PALLD: variants seen among roughly 807,000 people sequenced by gnomAD.
PALLD encodes the protein palladin, cytoskeletal associated protein.
PALLD carries 61 observed loss-of-function variants against 123.5 expected under a neutral mutation model. The observed-to-expected ratio is 0.49, with a 90% CI of 0.40 to 0.61. The LOEUF is 0.61. PALLD is among the 20% of genes least tolerant of loss of function. The pLI, the probability that PALLD is intolerant of heterozygous loss-of-function variation, is 0.00. For missense variants in PALLD, 1,273 were observed against 1,377.0 expected (o/e 0.92, Z 1.20); for synonymous variants, 465 against 496.4 (o/e 0.94, Z 0.84).
intron 10 of PALLD, among the ~76,000 whole-genome samples, chr4:168,734,452 GA>G (rs1787526732): frequency 6.6e-6 from 1 of 152,152 alleles, no homozygotes; most frequent in Non-Finnish European, 1.5e-5. Flanking sequence ...GATTTGAGAG[GA>G]GGGGATGTGG....
chr4:168,753,689 G>A (rs892512216), intron 10 of PALLD, among the ~76,000 whole-genome samples: 20 of 152,114 alleles, frequency 1.3e-4, no homozygotes, highest in African/African-American at 2.9e-4. Context: ...CACTCATCAC[G>A]TGTAGAGGCC....
Position 168,926,749 on chromosome 4 carries a change from AGT to A in PALLD, c.*573_*574del. The A allele has an allele frequency of 1.6e-5, 4 of 256,948 alleles. No individual in the cohort carries two copies. The highest frequency in any genetic ancestry group is 3.0e-5 in the Non-Finnish European group (4 of 132,670). The allele number at this position is 256,948 out of a possible 1,614,324, so 15.9% of individuals were successfully genotyped here. On this transcript the variant is annotated 3_prime_UTR_variant, in exon 22 of 22. Transcript: ENST00000505667. ...AGATATAGGTGCTGTGTAGCCTGAT[AGT>A]GTGAAATGTTTAATGAGGGAGTTGT... is the stretch of plus-strand genomic sequence containing the variant.
At position 168,903,905 on chromosome 4, in the gene PALLD, A is replaced by G. The variant is rs761530979; in HGVS notation, c.2621A>G (p.Gln874Arg). The change falls in exon 15 of 22, where the codon CAG (glutamine) becomes CGG (arginine). Residue 874 changes from glutamine to arginine, a missense_variant and splice_region_variant. Transcript: ENST00000505667. ...GNYTIMAANP[Q>R]GRISCTGRLM... ...TATACAATTATGGCTGCAAACCCTCAGGTAAAGAAGGGTATAGGTCTGGGC... is the reference window on the plus strand; with the variant it reads ...TATACAATTATGGCTGCAAACCCTCGGGTAAAGAAGGGTATAGGTCTGGGC... 1.7e-5 allele frequency: 28 copies of G among 1,613,620 alleles called. No homozygotes were observed. The highest frequency in any genetic ancestry group is 2.3e-5 in the Non-Finnish European group (27 of 1,179,654).
In PALLD at chr4:168,835,741, C is replaced by G. The variant is rs148964546; in HGVS notation, c.1965-55181C>G. ...TGAGACATAGTCTCGCTCTGTCACC[C>G]AGGCTGGAGTGCAGTGGCATGATCT... On this transcript the variant is annotated intron_variant, in intron 10 of 21. Transcript: ENST00000505667. Among the ~76,000 whole-genome samples the G allele has an allele frequency of 4.6e-3, 704 of 152,204 alleles. 1 individual carries two copies. Among genetic ancestry groups the G allele is most frequent in the African/African-American group, 0.015 (606 of 41,532 alleles).
chr4:168,669,242 C>T (rs1192568543), intron 3 of PALLD, among the ~76,000 whole-genome samples: 1 of 152,124 alleles, frequency 6.6e-6, no homozygotes, highest in African/African-American at 2.4e-5. Flanking sequence ...CCATTTATAG[C>T]TCCTTCAAGA....
At chr4:168,659,141 A>C (rs1262111573) in intron 2 of PALLD, among the ~76,000 whole-genome samples, 1 of 152,236 alleles carries the variant, frequency 6.6e-6, no homozygotes, top group Non-Finnish European at 1.5e-5. Flanking sequence ...ATGAAATGCA[A>C]TACTTATAGA....
At chr4:168,728,869 C>T (rs1330458719) in intron 10 of PALLD, among the ~76,000 whole-genome samples, 1 of 152,078 alleles carries the variant, frequency 6.6e-6, no homozygotes, top group Admixed American at 6.5e-5. Context: ...CCACTCTTCC[C>T]CCCAAGGCCC....
At chr4:168,604,174 T>C (rs897217754) in intron 2 of PALLD, among the ~76,000 whole-genome samples, 2 of 151,902 alleles carry the variant, frequency 1.3e-5, no homozygotes, top group African/African-American at 4.8e-5. Context: ...AGCTGAGAGG[T>C]TAGACAGTAA....
chr4:168,858,638 T>C (rs1748969296), intron 10 of PALLD, among the ~76,000 whole-genome samples: 1 of 152,010 alleles, frequency 6.6e-6, no homozygotes, highest in Non-Finnish European at 1.5e-5. Flanking sequence ...AAAAATTAGC[T>C]GGGCACGGTG....
At chr4:168,886,587 G>A (rs1016405203) in intron 10 of PALLD, among the ~76,000 whole-genome samples, 1 of 152,152 alleles carries the variant, frequency 6.6e-6, no homozygotes, top group Non-Finnish European at 1.5e-5. Context: ...AGGCTGCAGG[G>A]AGCTGTGATC....
chr4:168,841,082 C>T (rs1745970541), intron 10 of PALLD, among the ~76,000 whole-genome samples: 1 of 152,132 alleles, frequency 6.6e-6, no homozygotes, highest in Non-Finnish European at 1.5e-5. Context: ...AACTCCTGAC[C>T]TCGTGATCCT....
intron 10 of PALLD, among the ~76,000 whole-genome samples, chr4:168,853,802 G>A (rs1343166057): frequency 1.3e-5 from 2 of 152,178 alleles, no homozygotes; most frequent in East Asian, 3.9e-4. Context: ...AGGATTCCAT[G>A]TGGTTTTTGA....
chr4:168,658,284 G>GTTTTTTTTTTTTTTTTTTTTTTTTTT lies in PALLD; in HGVS notation c.909-9906_909-9905insTTTTTTTTTTTTTTTTTTTTTTTTTT, dbSNP rs755942969. 2.5e-5 allele frequency among the ~76,000 whole-genome samples: 3 copies of GTTTTTTTTTTTTTTTTTTTTTTTTTT among 120,770 alleles called. 1 individual carries two copies. In the Admixed American group the frequency reaches 2.6e-4, roughly 10 times the overall value. The allele number at this position is 120,770 out of a possible 152,430, so 79.2% of individuals were successfully genotyped here. A position where few individuals can be genotyped will look rare whatever the true frequency, so the allele number is the denominator to read the frequency against. ...TTTTGTTGGTGGTGGGTTTTTATTT[G>GTTTTTTTTTTTTTTTTTTTTTTTTTT]GTTTTTTTTTTTTTTTTTGTGATGA... On this transcript the variant is annotated intron_variant, in intron 2 of 21. Transcript: ENST00000505667.
intron 1 of PALLD, among the ~76,000 whole-genome samples, chr4:168,504,361 T>C (rs1023647331): frequency 6.6e-6 from 1 of 152,104 alleles, no homozygotes; most frequent in Admixed American, 6.5e-5. Flanking sequence ...TTTGGGAGGC[T>C]AAGGTGGGCA....
intron 10 of PALLD, among the ~76,000 whole-genome samples, chr4:168,772,083 G>A (rs181446387): frequency 4.6e-5 from 7 of 152,086 alleles, no homozygotes; most frequent in Admixed American, 1.3e-4. Flanking sequence ...ATAATACTTA[G>A]TATGTGCCTA....
At chr4:168,620,104 T>C (rs993507525) in intron 2 of PALLD, among the ~76,000 whole-genome samples, 1 of 152,198 alleles carries the variant, frequency 6.6e-6, no homozygotes, top group Non-Finnish European at 1.5e-5. Context: ...GCTAAAAATG[T>C]CATTAATGGG....
intron 17 of PALLD, 138 bp from the exon 18 acceptor site, chr4:168,921,396 A>G: frequency 1.7e-6 from 1 of 604,800 alleles, no homozygotes; most frequent in African/African-American, 2.4e-5. Flanking sequence ...AATAAGAGTG[A>G]AACTCTGTCC....
intron 2 of PALLD, among the ~76,000 whole-genome samples, chr4:168,667,050 T>C (rs1418804280): frequency 6.6e-6 from 1 of 152,218 alleles, no homozygotes; most frequent in Non-Finnish European, 1.5e-5. Flanking sequence ...TTATCTCTTC[T>C]TTGGTGGGAA....
intron 2 of PALLD, among the ~76,000 whole-genome samples, chr4:168,541,380 A>G (rs980446000): frequency 1.3e-5 from 2 of 152,186 alleles, no homozygotes; most frequent in Non-Finnish European, 2.9e-5. Flanking sequence ...TAGTTGTGAC[A>G]TATTTTATTG....
Sources: gnomAD v4.1 joint callset for allele counts (sites outside exome capture counted in the v4.1 genomes callset) on GRCh38, gnomAD v4.1.1 for gene constraint, MANE v1.5 for transcripts, NCBI Gene and HGNC (gene_info 2026-07-23, HGNC 2026-07-21) for gene names.